The following OXSR1 variants were observed in gnomAD, a reference collection of about 807,000 sequenced individuals.
OXSR1 encodes oxidative stress responsive kinase 1, also known as serine/threonine-protein kinase OSR1.
A neutral mutation model predicts 79.8 loss-of-function variants in OXSR1; 24 were observed. That is an observed-to-expected ratio of 0.30 (90% CI 0.22 to 0.42). The LOEUF (loss-of-function observed/expected upper bound fraction) is 0.42. Ranked by LOEUF, OXSR1 falls within the 10% of genes least tolerant of loss-of-function variation. The pLI, the probability that OXSR1 is intolerant of heterozygous loss-of-function variation, is 1.00. For synonymous variants in OXSR1, 226 were observed against 209.2 expected (o/e 1.08, Z -0.69); for missense variants, 430 against 618.4 (o/e 0.70, Z 3.23).
intron 2 of OXSR1, among the ~76,000 whole-genome samples, chr3:38,187,822 G>T (rs896628503): frequency 1.3e-5 from 2 of 152,096 alleles, no homozygotes; most frequent in Non-Finnish European, 2.9e-5. Context: ...CTGGGCTTAA[G>T]GGATCCTCCT....
chr3:38,230,309 T>G (rs1702778271), intron 9 of OXSR1, 56 bp from the exon 10 acceptor site: 2 of 1,092,894 alleles, frequency 1.8e-6, no homozygotes, highest in Admixed American at 2.0e-5. Context: ...TTTTTGTGGG[T>G]TTTTTTTGGT....
intron 10 of OXSR1, among the ~76,000 whole-genome samples, chr3:38,233,012 G>C (rs114563337): frequency 6.6e-6 from 1 of 151,968 alleles, no homozygotes; most frequent in South Asian, 2.1e-4. Flanking sequence ...GAGAGTGAAA[G>C]TAGGGCTAAA....
At chr3:38,209,368 C>T (rs774427202) in intron 4 of OXSR1, among the ~76,000 whole-genome samples, 2 of 151,926 alleles carry the variant, frequency 1.3e-5, no homozygotes, top group African/African-American at 2.4e-5. Flanking sequence ...CAGGTGCTCA[C>T]TACTATGCCT....
At chr3:38,227,106 A>G (rs1702704266) in intron 8 of OXSR1, among the ~76,000 whole-genome samples, 1 of 152,206 alleles carries the variant, frequency 6.6e-6, no homozygotes. Flanking sequence ...TTGTAAACCA[A>G]AATTAAACTT....
chr3:38,251,646 T>G (rs34601415), intron 16 of OXSR1, among the ~76,000 whole-genome samples, 175 bp downstream of exon 16: 2 of 152,172 alleles, frequency 1.3e-5, no homozygotes, highest in African/African-American at 4.8e-5. Context: ...AAATTTCACC[T>G]CTGAGTTTGC....
intron 1 of OXSR1, among the ~76,000 whole-genome samples, chr3:38,168,085 A>C (rs1701502646): frequency 6.6e-6 from 1 of 152,174 alleles, no homozygotes; most frequent in Admixed American, 6.6e-5. Flanking sequence ...GGAGTCTCTC[A>C]GTCTTCTGGA....
chr3:38,169,994 A>G (rs1186605388), intron 1 of OXSR1, among the ~76,000 whole-genome samples: 1 of 151,824 alleles, frequency 6.6e-6, no homozygotes, highest in Non-Finnish European at 1.5e-5. Flanking sequence ...AGCCTTCCAG[A>G]GTGCTAGGAT....
intron 2 of OXSR1, among the ~76,000 whole-genome samples, chr3:38,183,737 AG>A (rs1218856844): frequency 6.6e-6 from 1 of 152,212 alleles, no homozygotes; most frequent in African/African-American, 2.4e-5. Flanking sequence ...AAGAAAGGGA[AG>A]TCCCAAGCAA....
chr3:38,199,280 T>C (rs1304928910), intron 4 of OXSR1, among the ~76,000 whole-genome samples: 2 of 151,840 alleles, frequency 1.3e-5, no homozygotes, highest in Admixed American at 6.6e-5. Flanking sequence ...TTTCTTTTTT[T>C]TTTTTTGAAA....
chr3:38,221,289 T>G lies in OXSR1; in HGVS notation c.491-289T>G, dbSNP rs846369. On this transcript the variant is annotated intron_variant, in intron 5 of 17. Coordinates refer to ENST00000311806, the MANE Select transcript of OXSR1 (RefSeq NM_005109.3). ...ACCTGCTAAGCTATGTCTTTTTTGTTTTTTTTGTTTTGTAAAGATGAGGTC... is the reference window on the plus strand; with the variant it reads ...ACCTGCTAAGCTATGTCTTTTTTGTGTTTTTTGTTTTGTAAAGATGAGGTC... 4.5e-3 allele frequency among the ~76,000 whole-genome samples: 679 copies of G among 152,092 alleles called. 2 individuals carry two copies. Among genetic ancestry groups the G allele is most frequent in the Non-Finnish European group, 8.2e-3 (554 of 67,960 alleles).
At chr3:38,168,438 G>A (rs1701510294) in intron 1 of OXSR1, among the ~76,000 whole-genome samples, 1 of 151,944 alleles carries the variant, frequency 6.6e-6, no homozygotes, top group African/African-American at 2.4e-5. Flanking sequence ...ATATAAATGG[G>A]ATCATATAAC....
intron 3 of OXSR1, among the ~76,000 whole-genome samples, chr3:38,197,400 T>A (rs1457903645): frequency 1.3e-5 from 2 of 152,218 alleles, no homozygotes; most frequent in African/African-American, 2.4e-5. Flanking sequence ...ACCCTTTCCT[T>A]CACTTCTTCC....
At chr3:38,243,857 C>G (rs963059418) in intron 12 of OXSR1, among the ~76,000 whole-genome samples, 2 of 152,146 alleles carry the variant, frequency 1.3e-5, no homozygotes, top group East Asian at 3.9e-4. Context: ...AGGGGAATTG[C>G]GTTTTCCTGC....
intron 14 of OXSR1, among the ~76,000 whole-genome samples, chr3:38,249,627 A>G (rs961180978): frequency 1.3e-5 from 2 of 152,134 alleles, no homozygotes; most frequent in African/African-American, 2.4e-5. Context: ...TATCATTTTA[A>G]TCACACCTCC....
chr3:38,242,859 G>A, intron 12 of OXSR1, 81 bp downstream of exon 12: 1 of 795,344 alleles, frequency 1.3e-6, no homozygotes, highest in Non-Finnish European at 2.1e-6. Flanking sequence ...TTTTGTTTGT[G>A]CATATGTATG....
At chr3:38,251,375 C>G in intron 15 of OXSR1, 28 bp from the exon 16 acceptor site, 2 of 1,597,540 alleles carry the variant, frequency 1.3e-6, no homozygotes, top group Middle Eastern at 1.7e-4. Flanking sequence ...GCACAAAAAA[C>G]AGAGCACTGT....
Position 38,254,298 on chromosome 3 carries a change from A to G in OXSR1, c.*1407A>G, listed in dbSNP as rs2125858420. On this transcript the variant is annotated 3_prime_UTR_variant, in exon 18 of 18. Coordinates refer to ENST00000311806, the MANE Select transcript of OXSR1 (RefSeq NM_005109.3). ...TTTACCTTATTTTCTCTTGGAACAT[A>G]TCTGAAAACCTTCCCCACAAATAAC... The G allele has an allele frequency of 2.5e-6, 1 of 398,570 alleles. No individual in the cohort carries two copies. 24.7% of individuals were successfully genotyped at this position (398,570 alleles called of 1,614,324 possible). A position where few individuals can be genotyped will look rare whatever the true frequency, so the allele number is the denominator to read the frequency against.
chr3:38,254,788 C>G lies in OXSR1; in HGVS notation c.*1897C>G, dbSNP rs947351704. ...CAAGGGGTGGCAGCATCACTCTGTT[C>G]TAGCATTCTTTGTGGAGATGGTCTG... is the stretch of plus-strand genomic sequence containing the variant. On this transcript the variant is annotated 3_prime_UTR_variant, in exon 18 of 18. Transcript: ENST00000311806. 6.6e-6 allele frequency: 1 copy of G among 151,666 alleles called. No homozygotes were observed. Among genetic ancestry groups the G allele is most frequent in the African/African-American group, 2.4e-5 (1 of 41,088 alleles). 9.4% of individuals were successfully genotyped at this position (151,666 alleles called of 1,614,324 possible). A position where few individuals can be genotyped will look rare whatever the true frequency, so the allele number is the denominator to read the frequency against.
intron 1 of OXSR1, among the ~76,000 whole-genome samples, chr3:38,175,776 T>C (rs1281924238): frequency 6.6e-6 from 1 of 152,246 alleles, no homozygotes; most frequent in Non-Finnish European, 1.5e-5. Flanking sequence ...TTTATTCTGC[T>C]GTGTGACGTA....
Sources: gnomAD v4.1 joint callset for allele counts (sites outside exome capture counted in the v4.1 genomes callset) on GRCh38, gnomAD v4.1.1 for gene constraint, MANE v1.5 for transcripts, NCBI Gene and HGNC (gene_info 2026-07-23, HGNC 2026-07-21) for gene names.